The following PLEKHG3 variants were observed in gnomAD, a reference collection of about 807,000 sequenced individuals.
PLEKHG3 encodes pleckstrin homology and RhoGEF domain containing G3.
A neutral mutation model predicts 94.9 loss-of-function variants in PLEKHG3; 62 were observed. The ratio of observed to expected loss-of-function variants is 0.65; its 90% CI spans 0.53 to 0.81. The LOEUF (loss-of-function observed/expected upper bound fraction) is 0.81. PLEKHG3 is among the 30% of genes least tolerant of loss of function. The pLI is 0.00. For missense variants in PLEKHG3, 1,461 were observed against 1,619.3 expected (o/e 0.90, Z 1.68); for synonymous variants, 614 against 654.0 (o/e 0.94, Z 0.93).
In PLEKHG3 at chr14:64,746,914, T is replaced by C. The variant is rs1594726108; in HGVS notation, c.*3211T>C. The C allele has an allele frequency of 6.6e-6, 1 of 151,382 alleles. No homozygotes were observed. The highest frequency in any genetic ancestry group is 2.4e-5 in the African/African-American group (1 of 41,262). The allele number at this position is 151,382 out of a possible 1,614,324, so 9.4% of individuals were successfully genotyped here. A position where few individuals can be genotyped will look rare whatever the true frequency, so the allele number is the denominator to read the frequency against. On this transcript the variant is annotated 3_prime_UTR_variant, in exon 17 of 17. Transcript: ENST00000247226. The surrounding 1 kb of genome is among the most constrained non-coding windows in gnomAD (Gnocchi z 4.9). ...AGAGAAAAAAAAAAAAAGACCTTGC[T>C]AGGGCACTGGGAGAGCTTAGCCCTG...
chr14:64,714,470 T>C (rs887867492), intron 1 of PLEKHG3, among the ~76,000 whole-genome samples: 11 of 152,366 alleles, frequency 7.2e-5, no homozygotes, highest in Admixed American at 4.6e-4. Flanking sequence ...ATCTTTTTCA[T>C]AGCACTTACA....
In PLEKHG3 at chr14:64,738,089, AGAGGAG is replaced by A. The variant is rs546769475; in HGVS notation, c.1405-640_1405-635del. On this transcript the variant is annotated intron_variant, in intron 14 of 16. Coordinates refer to ENST00000247226, the MANE Select transcript of PLEKHG3 (RefSeq NM_001308147.2). This position sits in a 1 kb window ranked among gnomAD's most constrained non-coding sequence, Gnocchi z 4.8. ...GGGCTGGGCCGGAGCCCCCAGGCTC[AGAGGAG>A]GAGGAGGAGGAGCAGGAGGAGAGCC... The A allele has an allele frequency of 3.4e-5, 44 of 1,302,658 alleles. No individual in the cohort carries two copies. The highest frequency in any genetic ancestry group is 4.2e-5 in the Non-Finnish European group (42 of 996,468). 80.7% of individuals were successfully genotyped at this position (1,302,658 alleles called of 1,614,324 possible). A position where few individuals can be genotyped will look rare whatever the true frequency, so the allele number is the denominator to read the frequency against.
In PLEKHG3 at chr14:64,749,648, G is replaced by C. The variant is rs369634684; in HGVS notation, c.*5945G>C. On this transcript the variant is annotated 3_prime_UTR_variant, in exon 17 of 17. Coordinates refer to ENST00000247226, the MANE Select transcript of PLEKHG3 (RefSeq NM_001308147.2). The surrounding 1 kb of genome is among the most constrained non-coding windows in gnomAD (Gnocchi z 4.7). Reference sequence around the variant, plus strand: ...GCCAGGTCTGGGCTAGGCTGCCCGCGCTTACCTCATCCTTGCCATGGAAGA... The same window carrying C: ...GCCAGGTCTGGGCTAGGCTGCCCGCCCTTACCTCATCCTTGCCATGGAAGA... The C allele has an allele frequency of 3.7e-6, 6 of 1,613,474 alleles. No homozygotes were observed. The highest frequency in any genetic ancestry group is 5.1e-6 in the Non-Finnish European group (6 of 1,179,940).
At chr14:64,724,193 T>G (rs2139375235) in intron 1 of PLEKHG3, among the ~76,000 whole-genome samples, 1 of 151,956 alleles carries the variant, frequency 6.6e-6, no homozygotes, top group South Asian at 2.1e-4. Context: ...ATGGTTCCAA[T>G]CCGGTGTCTT....
chr14:64,743,538 G>C lies in PLEKHG3; in HGVS notation c.3495G>C (p.Gln1165His). ...PTAGLEESSG[Q>H]GPSSPVALLG... ...CAGGGCTGGAGGAGAGCAGTGGCCA[G>C]GGACCAAGCTCACCGGTGGCCCTGC... is the stretch of plus-strand genomic sequence containing the variant. Residue 1165 changes from glutamine (Q) to histidine (H), a missense_variant, in exon 17 of 17, where the codon CAG becomes CAC. Transcript: ENST00000247226. The surrounding 1 kb of genome is among the most constrained non-coding windows in gnomAD (Gnocchi z 7.2). 6.2e-7 allele frequency: 1 copy of C among 1,613,024 alleles called. No individual in the cohort carries two copies. Among genetic ancestry groups the C allele is most frequent in the Non-Finnish European group, 8.5e-7 (1 of 1,179,920 alleles).
At chr14:64,709,080 G>A (rs923200739) in intron 1 of PLEKHG3, among the ~76,000 whole-genome samples, 2 of 152,234 alleles carry the variant, frequency 1.3e-5, no homozygotes, top group Non-Finnish European at 1.5e-5. Flanking sequence ...CCCTCTGTCT[G>A]TCAGCTGCCT....
At position 64,732,354 on chromosome 14, in the gene PLEKHG3, A is replaced by G; in HGVS notation, c.1213-73A>G. 1.4e-6 allele frequency: 2 copies of G among 1,421,776 alleles called. No individual in the cohort carries two copies. The highest frequency in any genetic ancestry group is 2.0e-6 in the Non-Finnish European group (2 of 1,004,918). The allele number at this position is 1,421,776 out of a possible 1,614,324, so 88.1% of individuals were successfully genotyped here. On this transcript the variant is annotated intron_variant, in intron 10 of 16. Transcript: ENST00000247226. The surrounding 1 kb of genome is among the most constrained non-coding windows in gnomAD (Gnocchi z 4.9). ...CACTGTGGGGTGTCCTCGTACAGCA[A>G]CAGTGGGTCCTATGGGCAGGGAAGG...
At chr14:64,736,759 C>A (rs1259554233) in intron 12 of PLEKHG3, 94 bp from the exon 13 acceptor site, 7 of 910,490 alleles carry the variant, frequency 7.7e-6, no homozygotes, top group Admixed American at 1.7e-5. Context: ...GGACTTTGAG[C>A]TGGTGATGGG....
rs2081640209 is a variant in PLEKHG3, at chr14:64,739,416, C to T, written c.1518+561C>T. ...TGGGGCTGGGACTCAGAGGCCCACT[C>T]TCCTCCTCCTGCTGCCCTATGCTGT... On this transcript the variant is annotated intron_variant, in intron 15 of 16. Transcript: ENST00000247226. This position sits in a 1 kb window ranked among gnomAD's most constrained non-coding sequence, Gnocchi z 4.1. 6.6e-6 allele frequency among the ~76,000 whole-genome samples: 1 copy of T among 152,208 alleles called. No individual in the cohort carries two copies. Among genetic ancestry groups the T allele is most frequent in the Admixed American group, 6.5e-5 (1 of 15,282 alleles).
At chr14:64,737,970 G>A in intron 14 of PLEKHG3, 1 of 1,236,048 alleles carries the variant, frequency 8.1e-7, no homozygotes, top group African/African-American at 1.6e-5. Context: ...GGAAGAGGAG[G>A]AGGTGGTGGA....
chr14:64,728,848 T>C lies in PLEKHG3; in HGVS notation c.352-148T>C. Reference sequence around the variant, plus strand: ...TAAAGTCACATTCTGGGGTTCCAAGTGGACATGAATTTTGGGGTGGACACT... The same window carrying C: ...TAAAGTCACATTCTGGGGTTCCAAGCGGACATGAATTTTGGGGTGGACACT... On this transcript the variant is annotated intron_variant, in intron 2 of 16. Transcript: ENST00000247226. This position sits in a 1 kb window ranked among gnomAD's most constrained non-coding sequence, Gnocchi z 5.9. 1 of 510,720 alleles carries C rather than the reference T, an allele frequency of 2.0e-6. No individual in the cohort carries two copies. Among genetic ancestry groups the C allele is most frequent in the South Asian group, 2.7e-5 (1 of 36,458 alleles). 31.6% of individuals were successfully genotyped at this position (510,720 alleles called of 1,614,324 possible).
chr14:64,708,252 C>T (rs747379204), intron 1 of PLEKHG3, among the ~76,000 whole-genome samples: 1 of 152,202 alleles, frequency 6.6e-6, no homozygotes, highest in Non-Finnish European at 1.5e-5. Context: ...GACCACCCCC[C>T]TCTTGCTCTG....
chr14:64,743,087 T>C lies in PLEKHG3; in HGVS notation c.3044T>C (p.Phe1015Ser). ...GCTGGGGAGATGTCACCACAGCGTTTCTTCTTCAACCCGTCTGCTGTCAGC... is the reference window on the plus strand; with the variant it reads ...GCTGGGGAGATGTCACCACAGCGTTCCTTCTTCAACCCGTCTGCTGTCAGC... Reference protein sequence around the residue: ...SSAGEMSPQRFFFNPSAVSQR... With the variant: ...SSAGEMSPQRSFFNPSAVSQR... The change falls in exon 17 of 17, where the codon TTC (phenylalanine) becomes TCC (serine). Residue 1015 changes from phenylalanine to serine, a missense_variant. By Grantham distance (155) the Phe-to-Ser change is radical. Coordinates refer to ENST00000247226, the MANE Select transcript of PLEKHG3 (RefSeq NM_001308147.2). This position sits in a 1 kb window ranked among gnomAD's most constrained non-coding sequence, Gnocchi z 7.2. The C allele has an allele frequency of 6.2e-7, 1 of 1,613,088 alleles. No homozygotes were observed. The highest frequency in any genetic ancestry group is 1.6e-4 in the Middle Eastern group (1 of 6,062).
Position 64,738,312 on chromosome 14 carries a change from AC to A in PLEKHG3, c.1405-426del. 1 of 777,262 alleles carries A rather than the reference AC, an allele frequency of 1.3e-6. No individual in the cohort carries two copies. Among genetic ancestry groups the A allele is most frequent in the Non-Finnish European group, 1.8e-6 (1 of 541,230 alleles). 48.1% of individuals were successfully genotyped at this position (777,262 alleles called of 1,614,324 possible). On this transcript the variant is annotated intron_variant, in intron 14 of 16. Coordinates refer to ENST00000247226, the MANE Select transcript of PLEKHG3 (RefSeq NM_001308147.2). This position sits in a 1 kb window ranked among gnomAD's most constrained non-coding sequence, Gnocchi z 4.8. ...GAGGGCCCCCTCTGCTGCCCTCCTC[AC>A]CCCACCCTGCCCTGGTTTTACTCCT...
intron 15 of PLEKHG3, among the ~76,000 whole-genome samples, chr14:64,740,458 A>T (rs1224876849): frequency 3.9e-5 from 6 of 152,236 alleles, no homozygotes; most frequent in African/African-American, 9.6e-5. Context: ...GAGGAGCCAC[A>T]TTCCTGGTCC....
At position 64,750,114 on chromosome 14, in the gene PLEKHG3, G is replaced by C. The variant is rs1427006989; in HGVS notation, c.*6411G>C. ...TTCTTGGCATCCTTGTAGAAGGTTAGCTCACTGTTCCTGAGCACACAGTAC... is the reference window on the plus strand; with the variant it reads ...TTCTTGGCATCCTTGTAGAAGGTTACCTCACTGTTCCTGAGCACACAGTAC... On this transcript the variant is annotated 3_prime_UTR_variant, in exon 17 of 17. Coordinates refer to ENST00000247226, the MANE Select transcript of PLEKHG3 (RefSeq NM_001308147.2). The C allele has an allele frequency of 1.2e-6, 2 of 1,614,150 alleles. No homozygotes were observed. The highest frequency in any genetic ancestry group is 2.2e-5 in the East Asian group (1 of 44,886).
In PLEKHG3 at chr14:64,717,232, A is replaced by G. The variant is rs570316718; in HGVS notation, c.-39-10361A>G. 6.6e-6 allele frequency among the ~76,000 whole-genome samples: 1 copy of G among 152,072 alleles called. No homozygotes were observed. Among genetic ancestry groups the G allele is most frequent in the South Asian group, 2.1e-4 (1 of 4,828 alleles). On this transcript the variant is annotated intron_variant, in intron 1 of 16. Transcript: ENST00000247226. The surrounding 1 kb of genome is among the most constrained non-coding windows in gnomAD (Gnocchi z 4.7). ...AAGCCCAAGGTCAGAGCCCAGGGCA[A>G]AGAAAGGGGATGTGTTGGAGCTCTT...
At position 64,741,059 on chromosome 14, in the gene PLEKHG3, G is replaced by T. The variant is rs145254034; in HGVS notation, c.1542G>T (p.Gly514=). ...AGGTTGAGCCGGACCCTGAGGCTGG[G>T]AGTGAGCAAGAGGTATTTTCTGCTG... ...LPEVEPDPEA[G]SEQEVFSAVE... The change falls in exon 16 of 17, where the codon GGG becomes GGT. Residue 514 remains glycine (G), a synonymous_variant. Coordinates refer to ENST00000247226, the MANE Select transcript of PLEKHG3 (RefSeq NM_001308147.2). 251 of 1,599,006 alleles carry T rather than the reference G, an allele frequency of 1.6e-4. No homozygotes were observed. In the African/African-American group the frequency reaches 3.2e-3, roughly 20 times the overall value.
In PLEKHG3 at chr14:64,730,063, G is replaced by A. The variant is rs985792430; in HGVS notation, c.450-180G>A. 1.3e-5 allele frequency among the ~76,000 whole-genome samples: 2 copies of A among 152,182 alleles called. No homozygotes were observed. Among genetic ancestry groups the A allele is most frequent in the African/African-American group, 4.8e-5 (2 of 41,422 alleles). ...ACTTCCTGCTTTGTGGCTGCTTTGTGTTGGATACTTTCTGTGGTTGCTGCC... is the reference window on the plus strand; with the variant it reads ...ACTTCCTGCTTTGTGGCTGCTTTGTATTGGATACTTTCTGTGGTTGCTGCC... On this transcript the variant is annotated intron_variant, in intron 3 of 16. Transcript: ENST00000247226. This position sits in a 1 kb window ranked among gnomAD's most constrained non-coding sequence, Gnocchi z 5.4.
Sources: gnomAD v4.1 joint callset for allele counts (sites outside exome capture counted in the v4.1 genomes callset) on GRCh38, gnomAD v4.1.1 for gene constraint, Gnocchi (gnomAD v3.1) non-coding constraint, MANE v1.5 for transcripts, NCBI Gene and HGNC (gene_info 2026-07-23, HGNC 2026-07-21) for gene names.